The following KCNQ4 variants were observed in gnomAD, a reference collection of about 807,000 sequenced individuals.
The protein encoded by KCNQ4 is potassium voltage-gated channel subfamily KQT member 4.
Under a neutral mutation model 72.6 loss-of-function variants are expected in KCNQ4, and 31 were observed. The observed-to-expected ratio is 0.43, with a 90% confidence interval of 0.32 to 0.58. The LOEUF is 0.58. Ranked by LOEUF, KCNQ4 falls within the 20% of genes least tolerant of loss-of-function variation. The pLI is 0.08. For missense variants in KCNQ4, 869 were observed against 962.6 expected, an observed-to-expected ratio of 0.90 and a Z score of 1.29; for synonymous variants, 405 against 403.7, an observed-to-expected ratio of 1.00 and a Z score of -0.04.
chr1:40,813,654 G>A (rs1647993023), intron 1 of KCNQ4, among the ~76,000 whole-genome samples: 2 of 152,188 alleles, frequency 1.3e-5, no homozygotes, highest in Non-Finnish European at 2.9e-5. Flanking sequence ...ACCTGGGAGA[G>A]GCTGCCACAT....
At chr1:40,798,499 G>A (rs1041056262) in intron 1 of KCNQ4, among the ~76,000 whole-genome samples, 2 of 152,366 alleles carry the variant, frequency 1.3e-5, no homozygotes, top group South Asian at 4.1e-4. Flanking sequence ...CTGAATTCAT[G>A]TAACAACCCT....
At position 40,833,045 on chromosome 1, in the gene KCNQ4, G is replaced by T. The variant is rs1648697970; in HGVS notation, c.1545G>T (p.Lys515Asn). Residue 515 changes from lysine to asparagine, a missense_variant, in exon 11 of 14, where the codon AAG becomes AAT. Coordinates refer to ENST00000347132, the MANE Select transcript of KCNQ4 (RefSeq NM_004700.4). The stretch of plus-strand genomic sequence containing the variant: ...CCTCAGAGGAAGTAGCAGAGGAGAA[G>T]AGCTACCAGTGTGAGCTCACGGTGG... ...DAPSEEVAEE[K>N]SYQCELTVDD... The T allele has an allele frequency of 1.2e-6, 2 of 1,613,520 alleles. No individual in the cohort carries two copies. Among genetic ancestry groups the T allele is most frequent in the African/African-American group, 2.7e-5 (2 of 74,920 alleles).
At chr1:40,819,747 C>A in intron 5 of KCNQ4, 128 bp from the exon 6 acceptor site, 1 of 865,738 alleles carries the variant, frequency 1.2e-6, no homozygotes, top group Non-Finnish European at 2.0e-6. Flanking sequence ...CATCTATGAC[C>A]CTAACCAGCC....
chr1:40,788,415 G>A lies in KCNQ4; in HGVS notation c.314+4008G>A, dbSNP rs1465480489. On this transcript the variant is annotated intron_variant, in intron 1 of 13. Coordinates refer to ENST00000347132, the MANE Select transcript of KCNQ4 (RefSeq NM_004700.4). This position sits in a 1 kb window ranked among gnomAD's most constrained non-coding sequence, Gnocchi z 4.5. ...CTAGTGGCCACCGGGCTTGGCTCTT[G>A]GAGTCTGAAATGAAATCTCTGGTTG... is the stretch of plus-strand genomic sequence containing the variant. Among the ~76,000 whole-genome samples the A allele has an allele frequency of 6.6e-6, 1 of 152,192 alleles. No individual in the cohort carries two copies. Among genetic ancestry groups the A allele is most frequent in the African/African-American group, 2.4e-5 (1 of 41,436 alleles).
chr1:40,837,394 C>T (rs765371834), intron 12 of KCNQ4, among the ~76,000 whole-genome samples: 2 of 152,374 alleles, frequency 1.3e-5, no homozygotes, highest in African/African-American at 2.4e-5. Flanking sequence ...CGCTGGGCCT[C>T]CTAGTCCACT....
At chr1:40,823,985 A>G in intron 8 of KCNQ4, 112 bp from the exon 9 acceptor site, 1 of 1,260,110 alleles carries the variant, frequency 7.9e-7, no homozygotes, top group Non-Finnish European at 1.1e-6. Flanking sequence ...GTCAGTGAAC[A>G]CCTCTAGAGC....
intron 1 of KCNQ4, among the ~76,000 whole-genome samples, chr1:40,790,329 T>C (rs1647257113): frequency 6.6e-6 from 1 of 151,974 alleles, no homozygotes; most frequent in Admixed American, 6.5e-5. Context: ...GTTACTGTTA[T>C]TATTATGCTG....
chr1:40,818,807 T>C, intron 4 of KCNQ4, 127 bp downstream of exon 4: 1 of 1,091,626 alleles, frequency 9.2e-7, no homozygotes, highest in Non-Finnish European at 1.3e-6. Context: ...CCTGCGGGGG[T>C]TGGAGCCCTA....
intron 12 of KCNQ4, 143 bp downstream of exon 12, chr1:40,835,241 A>G (rs1028142200): frequency 3.6e-6 from 4 of 1,110,136 alleles, no homozygotes; most frequent in Non-Finnish European, 5.1e-6. Flanking sequence ...CCTGGCTTGC[A>G]GTGCCAGCCT....
intron 1 of KCNQ4, among the ~76,000 whole-genome samples, chr1:40,813,946 A>T (rs1484693868): frequency 6.7e-6 from 1 of 148,356 alleles, no homozygotes; most frequent in African/African-American, 2.5e-5. Flanking sequence ...ACAGGGTTTC[A>T]CCGTGTTAGT....
In KCNQ4 at chr1:40,839,673, G is replaced by C. The variant is rs1227470432; in HGVS notation, c.*1150G>C. ...CTTCAAGAAGATCTCCTCCTCTCTG[G>C]TCCAGGAGCCCTAACCCACTGCCTC... is the stretch of plus-strand genomic sequence containing the variant. On this transcript the variant is annotated 3_prime_UTR_variant, in exon 14 of 14. Transcript: ENST00000347132. 6.6e-6 allele frequency: 1 copy of C among 152,418 alleles called. No individual in the cohort carries two copies. The highest frequency in any genetic ancestry group is 1.5e-5 in the Non-Finnish European group (1 of 68,380). 9.4% of individuals were successfully genotyped at this position (152,418 alleles called of 1,614,324 possible).
At chr1:40,819,305 A>G (rs762798318) in intron 4 of KCNQ4, 42 bp from the exon 5 acceptor site, 2 of 1,612,360 alleles carry the variant, frequency 1.2e-6, no homozygotes, top group Admixed American at 3.3e-5. Context: ...TCTCCCAGGC[A>G]GGCACAGCGC....
intron 1 of KCNQ4, among the ~76,000 whole-genome samples, chr1:40,799,213 G>T (rs895224671): frequency 2.0e-5 from 3 of 152,226 alleles, no homozygotes; most frequent in Admixed American, 2.0e-4. Flanking sequence ...CAGGAGCTAG[G>T]GGGCAATGCT....
intron 9 of KCNQ4, chr1:40,826,497 TG>T (rs1648481643): frequency 2.7e-6 from 1 of 365,270 alleles, no homozygotes; most frequent in African/African-American, 2.1e-5. Flanking sequence ...GTTCTGGTGA[TG>T]GGGCTGGAGG....
rs766423839 is a variant in KCNQ4 at position 40,838,502 on chromosome 1, G to A, written c.2067G>A (p.Ser689=). 1.7e-5 allele frequency: 28 copies of A among 1,614,106 alleles called. No individual in the cohort carries two copies. The East Asian group carries it at 3.6e-4, about 21-fold the overall frequency. The change falls in exon 14 of 14, where the codon TCG becomes TCA. Residue 689 remains serine (S), a synonymous_variant. Transcript: ENST00000347132. The part of the protein sequence containing the change: ...VSAQTLSISR[S]VSTNMD Reference sequence around the variant, plus strand: ...CACAGACGCTCAGCATCTCCCGCTCGGTCAGCACCAACATGGACTGAGGGA... The same window carrying A: ...CACAGACGCTCAGCATCTCCCGCTCAGTCAGCACCAACATGGACTGAGGGA...
Position 40,795,373 on chromosome 1 carries a change from TGCCTCA to T in KCNQ4, c.314+10971_314+10976del, listed in dbSNP as rs78951706. ...AACTCCTGGGCTCAAGCGATCCTCC[TGCCTCA>T]GCCTTTCATGTAGCTGAGACCGCAG... On this transcript the variant is annotated intron_variant, in intron 1 of 13. Transcript: ENST00000347132. Among the ~76,000 whole-genome samples the T allele has an allele frequency of 1.2e-3, 176 of 150,744 alleles. 2 individuals are homozygous for T. In the East Asian group the frequency reaches 0.029, roughly 25 times the overall value.
rs374483854 is a variant in KCNQ4, at chr1:40,822,381, A to G, written c.1109A>G (p.Asp370Gly). 1 of 1,456,618 alleles carries G rather than the reference A, an allele frequency of 6.9e-7. No individual in the cohort carries two copies. Among genetic ancestry groups the G allele is most frequent in the Admixed American group, 1.8e-5 (1 of 54,726 alleles). The allele number at this position is 1,456,618 out of a possible 1,614,324, so 90.2% of individuals were successfully genotyped here. A position where few individuals can be genotyped will look rare whatever the true frequency, so the allele number is the denominator to read the frequency against. ...CTGACAGCCACCTGGTACTACTATG[A>G]CAGTATCCTCCCATCCTTCAGGTAG... ...AYLTATWYYY[D>G]SILPSFRELA... The change falls in exon 8 of 14, where the codon GAC becomes GGC. Residue 370 changes from aspartate (D) to glycine (G), a missense_variant. By Grantham distance (94) the Asp-to-Gly change is moderately conservative. This residue lies in a region of KCNQ4 where 480 missense variants were observed against 501.9 expected (regional missense o/e 0.96). Transcript: ENST00000347132.
At chr1:40,819,205 C>T in intron 4 of KCNQ4, 142 bp from the exon 5 acceptor site, 1 of 990,024 alleles carries the variant, frequency 1.0e-6, no homozygotes, top group Non-Finnish European at 1.5e-6. Context: ...GCAGGGTCGC[C>T]GTGATGGGAG....
chr1:40,833,143 C>A (rs767917852), intron 11 of KCNQ4, 30 bp downstream of exon 11: 28 of 1,515,576 alleles, frequency 1.8e-5, no homozygotes, highest in South Asian at 4.5e-5. Flanking sequence ...CGAGCACCCC[C>A]CTCCGTGTGC....
Sources: allele counts gnomAD v4.1 joint callset (sites outside exome capture counted in the v4.1 genomes callset), GRCh38; gene constraint gnomAD v4.1.1; regional missense constraint gnomAD v4.1.1; non-coding constraint Gnocchi (gnomAD v3.1); transcripts MANE v1.5; gene names NCBI Gene and HGNC (gene_info 2026-07-23, HGNC 2026-07-21).